Variants in TMEM95 observed in about 807,000 individuals in gnomAD.
TMEM95 encodes the protein sperm-egg fusion protein TMEM95.
A neutral mutation model predicts 27.7 loss-of-function variants in TMEM95; 21 were observed. That is an observed-to-expected ratio of 0.76 (90% confidence interval 0.54 to 1.09). The LOEUF (loss-of-function observed/expected upper bound fraction) is 1.09, where lower values mean the gene tolerates loss of function less well. TMEM95 is among the 50% of genes least tolerant of loss of function. TMEM95 has a pLI of 0.00. For synonymous variants in TMEM95, 77 were observed against 85.7 expected, an observed-to-expected ratio of 0.90 and a Z score of 0.56; for missense variants, 203 against 217.9, an observed-to-expected ratio of 0.93 and a Z score of 0.43.
Position 7,356,537 on chromosome 17 carries a change from C to T in TMEM95, c.497+58C>T. On this transcript the variant is annotated intron_variant, in intron 6 of 6. Transcript: ENST00000576060. ...CCGCCCAGTGCCTTCCACCACCCATCCTCCCTCCCTCTGTCCCTCCCAGGC... is the reference window on the plus strand; with the variant it reads ...CCGCCCAGTGCCTTCCACCACCCATTCTCCCTCCCTCTGTCCCTCCCAGGC... 3 of 1,610,992 alleles carry T rather than the reference C, an allele frequency of 1.9e-6. No individual in the cohort carries two copies. The African/African-American group carries it at 4.0e-5, about 22-fold the overall frequency.
chr17:7,355,766 G>C lies in TMEM95; in HGVS notation c.227-72G>C. 6.4e-7 allele frequency: 1 copy of C among 1,566,144 alleles called. No individual in the cohort carries two copies. The highest frequency in any genetic ancestry group is 8.8e-7 in the Non-Finnish European group (1 of 1,137,712). On this transcript the variant is annotated intron_variant, in intron 2 of 6. Coordinates refer to ENST00000576060, the MANE Select transcript of TMEM95 (RefSeq NM_001320436.2). The surrounding 1 kb of genome is among the most constrained non-coding windows in gnomAD (Gnocchi z 4.9). ...AGAGACAGGAGGGCTGATCAGGGAG[G>C]GGCTGCGTGAAGAGAGGGGGAACTG...
intron 3 of TMEM95, 28 bp from the exon 4 acceptor site, chr17:7,356,001 C>A: frequency 6.2e-7 from 1 of 1,613,808 alleles, no homozygotes; most frequent in Non-Finnish European, 8.5e-7. Context: ...CATTCACACC[C>A]CCACCCCTTC....
chr17:7,356,446 TCCTGCTTCTGGGTGTTCTGAGCCTC>T lies in TMEM95; in HGVS notation c.466_490del (p.Leu156TrpfsTer54), dbSNP rs748998029. On this transcript the variant is annotated frameshift_variant, in exon 6 of 7. Transcript: ENST00000576060. LOFTEE classifies it high-confidence loss of function. ...CTGCTCCTCTCCATCTTCGGAGCTTTCCTGCTTCTGGGTGTTCTGAGCCTCCTGGTGGAGTGAGTTTTGGGATAAA... is the reference window on the plus strand; with the variant it reads ...CTGCTCCTCTCCATCTTCGGAGCTTTCTGGTGGAGTGAGTTTTGGGATAAA... 5 of 1,613,996 alleles carry T rather than the reference TCCTGCTTCTGGGTGTTCTGAGCCTC, an allele frequency of 3.1e-6. No homozygotes were observed. The African/African-American group carries it at 6.7e-5, about 22-fold the overall frequency.
At position 7,356,062 on chromosome 17, in the gene TMEM95, G is replaced by A. The variant is rs1359781728; in HGVS notation, c.328+13G>A. On this transcript the variant is annotated intron_variant, in intron 4 of 6. Transcript: ENST00000576060. ...CCCCCCGCCTGCCGTGAGTAGGAAA[G>A]GAAAGGGGTAGCAAGGACCTGGGGC... 1 of 1,613,932 alleles carries A rather than the reference G, an allele frequency of 6.2e-7. No homozygotes were observed. The highest frequency in any genetic ancestry group is 8.5e-7 in the Non-Finnish European group (1 of 1,179,964).
At position 7,355,857 on chromosome 17, in the gene TMEM95, C is replaced by T; in HGVS notation, c.246C>T (p.Ser82=). The T allele has an allele frequency of 6.2e-7, 1 of 1,613,976 alleles. No homozygotes were observed. The highest frequency in any genetic ancestry group is 8.5e-7 in the Non-Finnish European group (1 of 1,179,986). Residue 82 remains serine (S), a synonymous_variant, in exon 3 of 7, where the codon TCC becomes TCT. Transcript: ENST00000576060. This position sits in a 1 kb window ranked among gnomAD's most constrained non-coding sequence, Gnocchi z 4.9. ...CCCCAGAAATCAAAGAGGCTGTCTCCTCACTCCCTTCATATTGGAGTTGGC... is the reference window on the plus strand; with the variant it reads ...CCCCAGAAATCAAAGAGGCTGTCTCTTCACTCCCTTCATATTGGAGTTGGC... ...LRVMEIKEAV[S]SLPSYWSWLR...
rs558278609 is a variant in TMEM95 at position 7,356,237 on chromosome 17, A to G, written c.370A>G (p.Thr124Ala). 1.3e-6 allele frequency: 2 copies of G among 1,567,996 alleles called. No individual in the cohort carries two copies. The highest frequency in any genetic ancestry group is 2.4e-5 in the South Asian group (2 of 83,714). ...TLYNCSTCKGTEVSCWPRKRC... is the reference protein window; with the variant it reads ...TLYNCSTCKGAEVSCWPRKRC... ...GTACAACTGCTCCACCTGCAAGGGG[A>G]CGGAGGTGTCCTGCTGGCCCCGAAA... Residue 124 changes from threonine to alanine, a missense_variant, in exon 5 of 7, where the codon ACG (threonine) becomes GCG (alanine). Thr to Ala is a moderately conservative substitution (Grantham distance 58). Transcript: ENST00000576060.
rs141789227 is a variant in TMEM95 at position 7,355,275 on chromosome 17, C to T, written c.71C>T (p.Ala24Val). The T allele has an allele frequency of 3.1e-6, 5 of 1,613,922 alleles. No homozygotes were observed. The highest frequency in any genetic ancestry group is 1.6e-4 in the Middle Eastern group (1 of 6,084). Reference sequence around the variant, plus strand: ...GCTTGTGTCTTCTGTCGCCTCCCAGCCCACGACTTGTCAGGCCGCCTGGCT... The same window carrying T: ...GCTTGTGTCTTCTGTCGCCTCCCAGTCCACGACTTGTCAGGCCGCCTGGCT... Reference protein sequence around the residue: ...AQACVFCRLPAHDLSGRLARL... With the variant: ...AQACVFCRLPVHDLSGRLARL... The change falls in exon 1 of 7, where the codon GCC (alanine) becomes GTC (valine). Residue 24 changes from alanine (A) to valine (V), a missense_variant. Coordinates refer to ENST00000576060, the MANE Select transcript of TMEM95 (RefSeq NM_001320436.2). The surrounding 1 kb of genome is among the most constrained non-coding windows in gnomAD (Gnocchi z 4.9).
rs1258764568 is a variant in TMEM95, at chr17:7,357,052, A to G, written c.*420A>G. 1 of 225,106 alleles carries G rather than the reference A, an allele frequency of 4.4e-6. No homozygotes were observed. The highest frequency in any genetic ancestry group is 2.3e-5 in the African/African-American group (1 of 43,880). The allele number at this position is 225,106 out of a possible 1,614,324, so 13.9% of individuals were successfully genotyped here. A position where few individuals can be genotyped will look rare whatever the true frequency, so the allele number is the denominator to read the frequency against. On this transcript the variant is annotated 3_prime_UTR_variant, in exon 7 of 7. Transcript: ENST00000576060. The stretch of plus-strand genomic sequence containing the variant: ...GCTATTCCAGGCCCTCCTATGACTG[A>G]TGGGGAATCCGGGAATGCATGTTCT...
chr17:7,356,508 T>C, intron 6 of TMEM95, 29 bp downstream of exon 6: 1 of 1,612,930 alleles, frequency 6.2e-7, no homozygotes. Context: ...ACAGGAATCC[T>C]ACCCCGCCCA....
intron 6 of TMEM95, 53 bp from the exon 7 acceptor site, chr17:7,356,546 C>T (rs1471872431): frequency 1.2e-6 from 2 of 1,612,474 alleles, no homozygotes; most frequent in Non-Finnish European, 1.7e-6. Context: ...TCCTCCCTCC[C>T]TCTGTCCCTC....
intron 5 of TMEM95, 31 bp downstream of exon 5, chr17:7,356,307 C>A: frequency 6.2e-7 from 1 of 1,600,192 alleles, no homozygotes; most frequent in Non-Finnish European, 8.5e-7. Context: ...CCCGCCCCAC[C>A]TTGCCCAGAT....
In TMEM95 at chr17:7,356,288, C is replaced by A; in HGVS notation, c.409+12C>A. On this transcript the variant is annotated intron_variant, in intron 5 of 6. Transcript: ENST00000576060. ...GCGCTGCTTCCCAGGTCCTCACGCC[C>A]ATCTTGGCCCCGCCCCACCTTGCCC... The A allele has an allele frequency of 1.3e-6, 2 of 1,586,620 alleles. No individual in the cohort carries two copies. Among genetic ancestry groups the A allele is most frequent in the Non-Finnish European group, 1.7e-6 (2 of 1,168,698 alleles).
chr17:7,355,730 G>A lies in TMEM95; in HGVS notation c.226+88G>A. Reference sequence around the variant, plus strand: ...ACAGGGGTTGGGGTGGGCAGGGAAGGGTGGAGGGGTAGAGACAGGAGGGCT... The same window carrying A: ...ACAGGGGTTGGGGTGGGCAGGGAAGAGTGGAGGGGTAGAGACAGGAGGGCT... On this transcript the variant is annotated intron_variant, in intron 2 of 6. Transcript: ENST00000576060. The surrounding 1 kb of genome is among the most constrained non-coding windows in gnomAD (Gnocchi z 4.9). 6.9e-7 allele frequency: 1 copy of A among 1,444,678 alleles called. No homozygotes were observed. The highest frequency in any genetic ancestry group is 9.7e-7 in the Non-Finnish European group (1 of 1,029,760). 89.5% of individuals were successfully genotyped at this position (1,444,678 alleles called of 1,614,324 possible). A position where few individuals can be genotyped will look rare whatever the true frequency, so the allele number is the denominator to read the frequency against.
Position 7,355,183 on chromosome 17 carries a change from G to A in TMEM95, c.-22G>A, listed in dbSNP as rs759729949. On this transcript the variant is annotated 5_prime_UTR_variant, in exon 1 of 7. Transcript: ENST00000576060. This position sits in a 1 kb window ranked among gnomAD's most constrained non-coding sequence, Gnocchi z 4.9. ...TCCTCGGCTCAGCTGGGGCAGCGCC[G>A]CCCCATCCCCCAGTGGTCCTCATGT... 3.2e-5 allele frequency: 52 copies of A among 1,607,276 alleles called. No homozygotes were observed. The highest frequency in any genetic ancestry group is 5.3e-5 in the African/African-American group (4 of 74,818).
chr17:7,355,388 C>T lies in TMEM95; in HGVS notation c.169+15C>T, dbSNP rs529652379. ...CTTTGCCTTAGGTAGGACCAGACAT[C>T]CAGGGATGGGCCCAGCAAGCACTCA... On this transcript the variant is annotated intron_variant, in intron 1 of 6. Transcript: ENST00000576060. This position sits in a 1 kb window ranked among gnomAD's most constrained non-coding sequence, Gnocchi z 4.9. The T allele has an allele frequency of 1.0e-4, 164 of 1,603,238 alleles. 1 individual carries two copies. The highest frequency in any genetic ancestry group is 8.1e-4 in the East Asian group (36 of 44,634).
chr17:7,356,669 G>A lies in TMEM95; in HGVS notation c.*37G>A. On this transcript the variant is annotated 3_prime_UTR_variant, in exon 7 of 7. Coordinates refer to ENST00000576060, the MANE Select transcript of TMEM95 (RefSeq NM_001320436.2). ...ACCTCCCAGCCTCCAGCTCTAAGGG[G>A]TATGCACTCACAACTTCCACATCCC... 6.2e-7 allele frequency: 1 copy of A among 1,608,964 alleles called. No individual in the cohort carries two copies. The highest frequency in any genetic ancestry group is 1.1e-5 in the South Asian group (1 of 90,720).
In TMEM95 at chr17:7,355,461, C is replaced by T; in HGVS notation, c.169+88C>T. 3.9e-6 allele frequency: 6 copies of T among 1,549,340 alleles called. No homozygotes were observed. The highest frequency in any genetic ancestry group is 1.2e-5 in the South Asian group (1 of 83,182). ...CATGTGACCTTCCAGCTGTGCCCTC[C>T]ATCTGTGGCCCTTTCTGGACATGCT... is the stretch of plus-strand genomic sequence containing the variant. On this transcript the variant is annotated intron_variant, in intron 1 of 6. Transcript: ENST00000576060. This position sits in a 1 kb window ranked among gnomAD's most constrained non-coding sequence, Gnocchi z 4.9.
At position 7,355,584 on chromosome 17, in the gene TMEM95, A is replaced by G. The variant is rs1049798839; in HGVS notation, c.170-2A>G. The G allele has an allele frequency of 3.0e-5, 47 of 1,554,696 alleles. No individual in the cohort carries two copies. Among genetic ancestry groups the G allele is most frequent in the Non-Finnish European group, 3.6e-5 (41 of 1,148,496 alleles). On this transcript the variant is annotated splice_acceptor_variant, in intron 1 of 6. Transcript: ENST00000576060. LOFTEE classifies it high-confidence loss of function. The surrounding 1 kb of genome is among the most constrained non-coding windows in gnomAD (Gnocchi z 4.9). ...ATCGCTGGTCCTTGCCCATCTCCAC[A>G]GATGAGGTGTCCATGAACAAAGTCA...
chr17:7,355,304 C>CT lies in TMEM95; in HGVS notation c.101dup (p.Cys35LeufsTer24), dbSNP rs2073470796. The CT allele has an allele frequency of 6.8e-6, 11 of 1,614,024 alleles. No homozygotes were observed. The Admixed American group carries it at 1.8e-4, about 27-fold the overall frequency. On this transcript the variant is annotated frameshift_variant, in exon 1 of 7. Transcript: ENST00000576060. LOFTEE classifies it high-confidence loss of function. This position sits in a 1 kb window ranked among gnomAD's most constrained non-coding sequence, Gnocchi z 4.9. Reference sequence around the variant, plus strand: ...CGACTTGTCAGGCCGCCTGGCTCGGCTCTGCAGCCAGATGGAGGCCAGGCA... The same window carrying CT: ...CGACTTGTCAGGCCGCCTGGCTCGGCTTCTGCAGCCAGATGGAGGCCAGGCA...
Sources: allele counts gnomAD v4.1 joint callset, GRCh38; gene constraint gnomAD v4.1.1; non-coding constraint Gnocchi (gnomAD v3.1); transcripts MANE v1.5; gene names NCBI Gene and HGNC (gene_info 2026-07-23, HGNC 2026-07-21).